Variants in EHBP1 observed in about 807,000 individuals in gnomAD.
EHBP1 encodes the protein EH domain-binding protein 1.
A neutral mutation model predicts 144.0 loss-of-function variants in EHBP1; 55 were observed. The observed-to-expected ratio is 0.38, with a 90% CI of 0.31 to 0.48. The LOEUF is 0.48. Among genes scored for constraint, EHBP1 ranks in the 20% least tolerant of loss-of-function variants. The pLI, the probability that EHBP1 is intolerant of heterozygous loss-of-function variation, is 0.98. For synonymous variants in EHBP1, 469 were observed against 472.7 expected, an observed-to-expected ratio of 0.99 and a Z score of 0.10; for missense variants, 1,200 against 1,364.2, an observed-to-expected ratio of 0.88 and a Z score of 1.90.
chr2:62,712,091 A>G (rs545463114), intron 2 of EHBP1, among the ~76,000 whole-genome samples: 1 of 152,290 alleles, frequency 6.6e-6, no homozygotes, highest in African/African-American at 2.4e-5. Flanking sequence ...AGAAGGAAAA[A>G]TGGATGATGT....
chr2:62,855,688 C>T (rs931858512), intron 7 of EHBP1, among the ~76,000 whole-genome samples: 1 of 152,180 alleles, frequency 6.6e-6, no homozygotes, highest in African/African-American at 2.4e-5. Context: ...GAGAAGCAAC[C>T]AATTCCAGGG....
intron 14 of EHBP1, among the ~76,000 whole-genome samples, chr2:62,960,224 G>GTACTTGCAAA: frequency 6.6e-6 from 1 of 152,210 alleles, no homozygotes; most frequent in East Asian, 1.9e-4. Context: ...ATGGCCTCAT[G>GTACTTGCAAA]TCCTTGCAAA....
intron 5 of EHBP1, among the ~76,000 whole-genome samples, chr2:62,817,886 C>G (rs568503875): frequency 3.3e-5 from 5 of 152,164 alleles, no homozygotes; most frequent in African/African-American, 9.6e-5. Context: ...GATTCGTGCA[C>G]TTTAGTAAAA....
At position 62,835,693 on chromosome 2, in the gene EHBP1, T is replaced by A. The variant is rs2047170098; in HGVS notation, c.634+4535T>A. ...TGCCTCACCTGGGAAGCGCAAGGGG[T>A]CAGGGAGTTCCCTTTCCGAGTCAAA... On this transcript the variant is annotated intron_variant, in intron 7 of 22. Transcript: ENST00000431489. Among the ~76,000 whole-genome samples, 4 of 151,882 alleles carry A rather than the reference T, an allele frequency of 2.6e-5. No individual in the cohort carries two copies. In the South Asian group the frequency reaches 8.4e-4, roughly 32 times the overall value.
chr2:62,901,469 TA>T (rs934770067), intron 10 of EHBP1, among the ~76,000 whole-genome samples: 2 of 152,062 alleles, frequency 1.3e-5, no homozygotes, highest in Non-Finnish European at 2.9e-5. Flanking sequence ...TGGGAACGTT[TA>T]AAAAAGTTGA....
intron 6 of EHBP1, among the ~76,000 whole-genome samples, chr2:62,830,277 A>T (rs1409661147): frequency 6.6e-6 from 1 of 151,792 alleles, no homozygotes; most frequent in Non-Finnish European, 1.5e-5. Context: ...CTTGGATTAC[A>T]GGCGCATGCC....
At chr2:63,009,543 A>C (rs1000472472) in intron 19 of EHBP1, among the ~76,000 whole-genome samples, 4 of 151,596 alleles carry the variant, frequency 2.6e-5, no homozygotes, top group African/African-American at 9.7e-5. Flanking sequence ...TGCTTTAACT[A>C]GGGAAAACTG....
intron 3 of EHBP1, among the ~76,000 whole-genome samples, chr2:62,755,320 T>C (rs2040175784): frequency 6.6e-6 from 1 of 152,214 alleles, no homozygotes; most frequent in African/African-American, 2.4e-5. Flanking sequence ...TGGTGTTTTG[T>C]GTTTTGGTAG....
chr2:62,944,016 T>A (rs1357912110), intron 12 of EHBP1, among the ~76,000 whole-genome samples, 166 bp downstream of exon 12: 1 of 152,246 alleles, frequency 6.6e-6, no homozygotes, highest in Non-Finnish European at 1.5e-5. Flanking sequence ...CTCTGGTTTA[T>A]CATGGACTTT....
chr2:62,820,693 T>C (rs967766309), intron 5 of EHBP1, among the ~76,000 whole-genome samples: 2 of 143,970 alleles, frequency 1.4e-5, no homozygotes, highest in Non-Finnish European at 3.0e-5. Context: ...TTTTTAAGGC[T>C]GAATAGTATT....
At chr2:62,702,362 G>A (rs1397842097), upstream of EHBP1, among the ~76,000 whole-genome samples, 1 of 152,128 alleles carries the variant, frequency 6.6e-6, no homozygotes, top group Non-Finnish European at 1.5e-5. Context: ...ATTAAACCTG[G>A]GACAGAGGGA....
intron 13 of EHBP1, among the ~76,000 whole-genome samples, chr2:62,954,468 G>A (rs183644839): frequency 6.6e-6 from 1 of 152,210 alleles, no homozygotes; most frequent in African/African-American, 2.4e-5. Flanking sequence ...TGATGAAAAT[G>A]TCCTGGAATT....
intron 5 of EHBP1, among the ~76,000 whole-genome samples, chr2:62,808,894 C>T (rs2044719572): frequency 6.6e-6 from 1 of 152,162 alleles, no homozygotes; most frequent in South Asian, 2.1e-4. Context: ...AGGATGGCTA[C>T]AGTGGGCTGC....
rs749425942 is a variant in EHBP1, at chr2:62,988,081, A to C, written c.2609-2635A>C. ...ATGTTTTGTGTCCTGCTGCATGGCAAACTTTATGGTTATATTTTTATTATC... is the reference window on the plus strand; with the variant it reads ...ATGTTTTGTGTCCTGCTGCATGGCACACTTTATGGTTATATTTTTATTATC... On this transcript the variant is annotated intron_variant, in intron 15 of 22. Coordinates refer to ENST00000431489, the MANE Select transcript of EHBP1 (RefSeq NM_001142616.3). The C allele has an allele frequency of 2.8e-6, 3 of 1,090,762 alleles. No individual in the cohort carries two copies. The South Asian group carries it at 4.0e-5, about 15-fold the overall frequency. The allele number at this position is 1,090,762 out of a possible 1,614,324, so 67.6% of individuals were successfully genotyped here.
At chr2:62,931,521 G>A (rs546483024) in intron 10 of EHBP1, among the ~76,000 whole-genome samples, 1 of 152,250 alleles carries the variant, frequency 6.6e-6, no homozygotes, top group South Asian at 2.1e-4. Flanking sequence ...ATGATTCAGC[G>A]ATTTCACTTC....
chr2:62,681,360 A>ATATATATATATATATATATATAT (rs1276350365), intron 1 of EHBP1, among the ~76,000 whole-genome samples: 6 of 26,664 alleles, frequency 2.3e-4, no homozygotes, highest in Admixed American at 5.3e-4. Context: ...ATATATATAT[A>ATATATATATATATATATATATAT]ATGTGTATAT....
chr2:62,910,004 C>T (rs1459546686), intron 10 of EHBP1, among the ~76,000 whole-genome samples: 1 of 152,154 alleles, frequency 6.6e-6, no homozygotes, highest in Non-Finnish European at 1.5e-5. Context: ...ATCCACCTGC[C>T]TTGGCCTCCC....
intron 15 of EHBP1, among the ~76,000 whole-genome samples, chr2:62,986,443 CTTT>C (rs397869234): frequency 2.2e-5 from 3 of 135,670 alleles, no homozygotes; most frequent in Admixed American, 7.4e-5. Context: ...TTCTTTTTTC[CTTT>C]TTTTTTTTTT....
chr2:62,908,570 G>T (rs1424327908), intron 10 of EHBP1, among the ~76,000 whole-genome samples: 2 of 151,746 alleles, frequency 1.3e-5, no homozygotes, highest in African/African-American at 4.8e-5. Flanking sequence ...ATATATCCTG[G>T]TAAGACTTAT....
Sources: gnomAD v4.1 joint callset for allele counts (sites outside exome capture counted in the v4.1 genomes callset) on GRCh38, gnomAD v4.1.1 for gene constraint, MANE v1.5 for transcripts, NCBI Gene and HGNC (gene_info 2026-07-23, HGNC 2026-07-21) for gene names.